Variants in CA2 observed in about 807,000 individuals in gnomAD.
CA2 encodes the protein carbonate dehydratase II.
Under a neutral mutation model 27.8 loss-of-function variants are expected in CA2, and 23 were observed. The ratio of observed to expected loss-of-function variants is 0.83; its 90% CI spans 0.59 to 1.17. CA2 has a LOEUF of 1.17. Ranked by LOEUF, CA2 falls within the 50% of genes most tolerant of loss-of-function variation. The pLI is 0.00. For synonymous variants in CA2, 99 were observed against 114.9 expected (o/e 0.86, Z 0.88); for missense variants, 300 against 314.7 (o/e 0.95, Z 0.35).
At chr8:85,479,279 G>A (rs1290080798) in intron 6 of CA2, among the ~76,000 whole-genome samples, 1 of 152,292 alleles carries the variant, frequency 6.6e-6, no homozygotes, top group East Asian at 1.9e-4. Context: ...GGTTATACTG[G>A]TTTGATCAAA....
At chr8:85,475,104 T>C (rs568961708) in intron 4 of CA2, among the ~76,000 whole-genome samples, 1 of 151,880 alleles carries the variant, frequency 6.6e-6, no homozygotes, top group Non-Finnish European at 1.5e-5. Context: ...GGCCAGGAGC[T>C]CAAGACCAGC....
chr8:85,474,260 G>T, intron 3 of CA2, 64 bp from the exon 4 acceptor site: 1 of 1,142,544 alleles, frequency 8.8e-7, no homozygotes, highest in Non-Finnish European at 1.3e-6. Context: ...AAAGACCATT[G>T]AATAAAATCT....
chr8:85,474,224 T>C (rs1811752523), intron 3 of CA2, 100 bp from the exon 4 acceptor site: 4 of 910,186 alleles, frequency 4.4e-6, no homozygotes, highest in Non-Finnish European at 7.4e-6. Context: ...TATTTTCAAT[T>C]TCCTGAGTAA....
At chr8:85,480,611 G>A in intron 6 of CA2, 59 bp from the exon 7 acceptor site, 1 of 1,534,352 alleles carries the variant, frequency 6.5e-7, no homozygotes, top group Non-Finnish European at 9.0e-7. Context: ...TATAACACAA[G>A]TATATAACTG....
rs1373460476 is a variant in CA2, at chr8:85,466,141, A to G, written c.232+672A>G. On this transcript the variant is annotated intron_variant, in intron 2 of 6. Coordinates refer to ENST00000285379, the MANE Select transcript of CA2 (RefSeq NM_000067.3). Reference sequence around the variant, plus strand: ...GATGCTCACTGTAAAAAAAAAAAAAAAAAGAAAGAGAAAGAAGAAAAAAAA... The same window carrying G: ...GATGCTCACTGTAAAAAAAAAAAAAGAAAGAAAGAGAAAGAAGAAAAAAAA... Among the ~76,000 whole-genome samples, 18 of 150,104 alleles carry G rather than the reference A, an allele frequency of 1.2e-4. No individual in the cohort carries two copies. The East Asian group carries it at 2.1e-3, about 18-fold the overall frequency.
At chr8:85,474,731 T>C (rs1486866047) in intron 4 of CA2, among the ~76,000 whole-genome samples, 1 of 152,170 alleles carries the variant, frequency 6.6e-6, no homozygotes, top group Non-Finnish European at 1.5e-5. Context: ...TACTATATTA[T>C]GATAAAGTAA....
Position 85,480,948 on chromosome 8 carries a change from T to G in CA2, c.*159T>G. ...AGACTTACTAATAAAATGTGAAGAC[T>G]AGACCAATTGTCATGCTTGACACAA... On this transcript the variant is annotated 3_prime_UTR_variant, in exon 7 of 7. Transcript: ENST00000285379. 1.4e-6 allele frequency: 1 copy of G among 734,238 alleles called. No homozygotes were observed. Among genetic ancestry groups the G allele is most frequent in the South Asian group, 1.6e-5 (1 of 61,510 alleles). 45.5% of individuals were successfully genotyped at this position (734,238 alleles called of 1,614,324 possible).
chr8:85,474,623 T>G, intron 4 of CA2: 1 of 586,252 alleles, frequency 1.7e-6, no homozygotes, highest in East Asian at 3.0e-5. Context: ...ACTTATTTGG[T>G]ACCTTTTGGA....
At position 85,465,318 on chromosome 8, in the gene CA2, C is replaced by T; in HGVS notation, c.81C>T (p.Arg27=). The part of the protein sequence containing the change: ...HKDFPIAKGE[R]QSPVDIDTHT... ...ACTTCCCCATTGCCAAGGGAGAGCG[C>T]CAGTCCCCTGTTGACATCGACACTC... Residue 27 remains arginine, a synonymous_variant, in exon 2 of 7, where the codon CGC becomes CGT. Transcript: ENST00000285379. 1.2e-6 allele frequency: 2 copies of T among 1,614,154 alleles called. No homozygotes were observed. Among genetic ancestry groups the T allele is most frequent in the Non-Finnish European group, 1.7e-6 (2 of 1,180,008 alleles).
rs372186277 is a variant in CA2 at position 85,473,641 on chromosome 8, G to A, written c.233-52G>A. ...TGTGTGTATACCTATGTATATATGT[G>A]TATGCAGATACATACATATATGTTA... is the stretch of plus-strand genomic sequence containing the variant. On this transcript the variant is annotated intron_variant, in intron 2 of 6. Transcript: ENST00000285379. 973 of 840,128 alleles carry A rather than the reference G, an allele frequency of 1.2e-3. 1 individual carries two copies. Among genetic ancestry groups the A allele is most frequent in the Non-Finnish European group, 1.6e-3 (797 of 487,764 alleles). 52.0% of individuals were successfully genotyped at this position (840,128 alleles called of 1,614,324 possible). A position where few individuals can be genotyped will look rare whatever the true frequency, so the allele number is the denominator to read the frequency against.
At position 85,478,097 on chromosome 8, in the gene CA2, C is replaced by T. The variant is rs150330781; in HGVS notation, c.663+822C>T. On this transcript the variant is annotated intron_variant, in intron 6 of 6. Transcript: ENST00000285379. Reference sequence around the variant, plus strand: ...AATGTGCAATAGAGATCATGTTGTCCAACTTTCTCATTTCACTGGCTTGAA... The same window carrying T: ...AATGTGCAATAGAGATCATGTTGTCTAACTTTCTCATTTCACTGGCTTGAA... 4.5e-3 allele frequency among the ~76,000 whole-genome samples: 683 copies of T among 152,230 alleles called. 5 individuals carry two copies. The highest frequency in any genetic ancestry group is 0.015 in the African/African-American group (643 of 41,524).
At position 85,474,388 on chromosome 8, in the gene CA2, G is replaced by C; in HGVS notation, c.416G>C (p.Gly139Ala). ...DFGKAVQQPD[G>A]LAVLGIFLKV... ...GGGAAAGCTGTGCAGCAACCTGATG[G>C]ACTGGCCGTTCTAGGTATTTTTTTG... The change falls in exon 4 of 7, where the codon GGA becomes GCA. Residue 139 changes from glycine (G) to alanine (A), a missense_variant. Transcript: ENST00000285379. 3 of 1,613,886 alleles carry C rather than the reference G, an allele frequency of 1.9e-6. No individual in the cohort carries two copies. The African/African-American group carries it at 4.0e-5, about 22-fold the overall frequency.
intron 6 of CA2, among the ~76,000 whole-genome samples, chr8:85,479,504 T>G (rs1168591100): frequency 6.6e-6 from 1 of 152,174 alleles, no homozygotes; most frequent in Non-Finnish European, 1.5e-5. Context: ...TGTTGATTCA[T>G]GGGCTGCTAT....
intron 2 of CA2, among the ~76,000 whole-genome samples, chr8:85,470,182 C>A (rs1018107686): frequency 2.0e-5 from 3 of 152,088 alleles, no homozygotes; most frequent in African/African-American, 7.2e-5. Context: ...TTTACTCTAG[C>A]GAAAGTGACA....
At chr8:85,465,033 T>A in intron 1 of CA2, 2 of 524,368 alleles carry the variant, frequency 3.8e-6, no homozygotes, top group South Asian at 4.5e-5. Context: ...TCTAAGAGCT[T>A]TACATATATC....
Position 85,465,516 on chromosome 8 carries a change from T to C in CA2, c.232+47T>C, listed in dbSNP as rs771304302. 3 of 1,498,300 alleles carry C rather than the reference T, an allele frequency of 2.0e-6. No individual in the cohort carries two copies. The African/African-American group carries it at 4.1e-5, about 21-fold the overall frequency. 92.8% of individuals were successfully genotyped at this position (1,498,300 alleles called of 1,614,324 possible). On this transcript the variant is annotated intron_variant, in intron 2 of 6. Transcript: ENST00000285379. ...TGTGTCTTTTAGCCAGTAGCTGTTT[T>C]CCGAGCTTAATGGAAGGAGCCAGGA...
At chr8:85,480,026 G>A (rs1811863649) in intron 6 of CA2, among the ~76,000 whole-genome samples, 1 of 152,020 alleles carries the variant, frequency 6.6e-6, no homozygotes, top group Non-Finnish European at 1.5e-5. Flanking sequence ...TTATTATTTT[G>A]CATCTAAAGG....
In CA2 at chr8:85,475,806, C is replaced by T. The variant is rs189189209; in HGVS notation, c.453C>T (p.Ser151=). ...TTTATGTTTTTCTTTAGGTTGGCAG[C>T]GCTAAACCGGGCCTTCAGAAAGTTG... ...AVLGIFLKVG[S]AKPGLQKVVD... is the part of the protein sequence containing the mutation. The change falls in exon 5 of 7, where the codon AGC becomes AGT. Residue 151 remains serine, a synonymous_variant. Transcript: ENST00000285379. The T allele has an allele frequency of 2.8e-5, 45 of 1,613,848 alleles. No homozygotes were observed. Among genetic ancestry groups the T allele is most frequent in the South Asian group, 3.3e-5 (3 of 91,082 alleles).
chr8:85,464,133 C>T lies in CA2; in HGVS notation c.34+18C>T, dbSNP rs375803253. ...ACACAACGGTGAGTGCCGGCGACGGCCAGCGCGGGGGCGCCCCGATCCCCG... is the reference window on the plus strand; with the variant it reads ...ACACAACGGTGAGTGCCGGCGACGGTCAGCGCGGGGGCGCCCCGATCCCCG... On this transcript the variant is annotated intron_variant, in intron 1 of 6. Coordinates refer to ENST00000285379, the MANE Select transcript of CA2 (RefSeq NM_000067.3). The T allele has an allele frequency of 1.3e-6, 2 of 1,535,588 alleles. No homozygotes were observed. The highest frequency in any genetic ancestry group is 4.0e-5 in the Admixed American group (2 of 50,464).
Sources: allele counts gnomAD v4.1 joint callset (sites outside exome capture counted in the v4.1 genomes callset), GRCh38; gene constraint gnomAD v4.1.1; transcripts MANE v1.5; gene names NCBI Gene and HGNC (gene_info 2026-07-23, HGNC 2026-07-21).